Variants in CCAR2 observed in about 807,000 individuals in gnomAD.
CCAR2 encodes the protein cell cycle and apoptosis regulator 2.
A neutral mutation model predicts 108.1 loss-of-function variants in CCAR2; 21 were observed. The ratio of observed to expected loss-of-function variants is 0.19; its 90% CI spans 0.14 to 0.28. The LOEUF is 0.28. Among genes scored for constraint, CCAR2 ranks in the 10% least tolerant of loss-of-function variants. CCAR2 has a pLI of 1.00. For missense variants in CCAR2, 1,126 were observed against 1,177.0 expected (o/e 0.96, Z 0.63); for synonymous variants, 577 against 472.8 (o/e 1.22, Z -2.86).
At chr8:22,614,799 TGTA>T (rs770908240) in intron 10 of CCAR2, 36 bp from the exon 11 acceptor site, 1 of 1,471,758 alleles carries the variant, frequency 6.8e-7, no homozygotes, top group South Asian at 1.2e-5. Flanking sequence ...ACCCAGGTAA[TGTA>T]GTTTTTTGTT....
chr8:22,610,437 G>C (rs1285640901), intron 7 of CCAR2, among the ~76,000 whole-genome samples: 1 of 152,202 alleles, frequency 6.6e-6, no homozygotes, highest in Non-Finnish European at 1.5e-5. Context: ...TCAGCCCCTG[G>C]TGCTGCCTTA....
At position 22,615,562 on chromosome 8, in the gene CCAR2, C is replaced by T; in HGVS notation, c.1343C>T (p.Ala448Val). ...EWEALCQQKA[A>V]EAAPPTQEAQ... is the part of the protein sequence containing the mutation. ...GAGGCCCTGTGCCAGCAGAAAGCTG[C>T]AGAGGCAGCTCCCCCAACCCAGGAG... The change falls in exon 12 of 21, where the codon GCA becomes GTA. Residue 448 changes from alanine to valine, a missense_variant. Ala to Val is a moderately conservative substitution (Grantham distance 64). This residue lies in a region of CCAR2 where 1,013 missense variants were observed against 993.9 expected (regional missense o/e 1.02). Coordinates refer to ENST00000308511, the MANE Select transcript of CCAR2 (RefSeq NM_001393997.1). 1.2e-6 allele frequency: 2 copies of T among 1,613,966 alleles called. No homozygotes were observed. Among genetic ancestry groups the T allele is most frequent in the Non-Finnish European group, 1.7e-6 (2 of 1,180,036 alleles).
chr8:22,619,457 C>G (rs376977294), intron 20 of CCAR2, 102 bp downstream of exon 20: 33 of 1,441,368 alleles, frequency 2.3e-5, no homozygotes, highest in African/African-American at 2.0e-4. Context: ...AGAGGGCCAG[C>G]AGGCACCGGC....
chr8:22,606,747 C>T, intron 4 of CCAR2, 49 bp downstream of exon 4: 1 of 1,520,452 alleles, frequency 6.6e-7, no homozygotes, highest in Non-Finnish European at 9.1e-7. Flanking sequence ...GGATTCAGTT[C>T]TGTCACCATG....
Position 22,617,474 on chromosome 8 carries a change from A to G in CCAR2, c.1900A>G (p.Lys634Glu), listed in dbSNP as rs750792397. 1 of 1,602,404 alleles carries G rather than the reference A, an allele frequency of 6.2e-7. No individual in the cohort carries two copies. The highest frequency in any genetic ancestry group is 1.7e-4 in the Middle Eastern group (1 of 6,010). ...PLSSGGEEEE[K>E]PRGEASEDLC... ...CTCTTCTGGGGGAGAGGAAGAAGAA[A>G]AACCCCGGGGCGAGGCTTCTGAGGA... The change falls in exon 15 of 21, where the codon AAA becomes GAA. Residue 634 changes from lysine (K) to glutamate (E), a missense_variant. Around this residue, in one of 4 missense-constraint regions of CCAR2, gnomAD observed 1,013 missense variants for 993.9 expected, o/e 1.02. Coordinates refer to ENST00000308511, the MANE Select transcript of CCAR2 (RefSeq NM_001393997.1).
At chr8:22,619,564 A>AGGCAGTC (rs1801674072) in intron 20 of CCAR2, 74 bp from the exon 21 acceptor site, 1 of 1,480,826 alleles carries the variant, frequency 6.8e-7, no homozygotes, top group Admixed American at 2.0e-5. Context: ...TCCCAGCAGG[A>AGGCAGTC]GGCAGTCCGC....
intron 1 of CCAR2, 134 bp from the exon 2 acceptor site, chr8:22,605,602 T>A (rs918457163): frequency 1.6e-6 from 1 of 621,538 alleles, no homozygotes; most frequent in Non-Finnish European, 2.9e-6. Context: ...ATTCTCTCCA[T>A]CCATTGCTTT....
chr8:22,615,031 C>A, intron 11 of CCAR2, 30 bp downstream of exon 11: 1 of 1,520,354 alleles, frequency 6.6e-7, no homozygotes, highest in South Asian at 1.2e-5. Context: ...CTCAGCTGCA[C>A]CAACGCACCA....
intron 19 of CCAR2, 26 bp from the exon 20 acceptor site, chr8:22,619,124 T>C: frequency 6.2e-7 from 1 of 1,602,992 alleles, no homozygotes. Context: ...GGAGCAGCCG[T>C]CCCCGTTTCC....
chr8:22,608,681 C>T (rs560162425), intron 7 of CCAR2, among the ~76,000 whole-genome samples: 53 of 152,338 alleles, frequency 3.5e-4, no homozygotes, highest in African/African-American at 1.3e-3. Flanking sequence ...CGTCTTCTCT[C>T]CAGTTCACAT....
rs1179234132 is a variant in CCAR2 at position 22,620,176 on chromosome 8, C to T, written c.*494C>T. The T allele has an allele frequency of 1.3e-5, 2 of 159,600 alleles. No homozygotes were observed. The highest frequency in any genetic ancestry group is 2.4e-5 in the African/African-American group (1 of 41,696). The allele number at this position is 159,600 out of a possible 1,614,324, so 9.9% of individuals were successfully genotyped here. On this transcript the variant is annotated 3_prime_UTR_variant, in exon 21 of 21. Transcript: ENST00000308511. ...CACAGGCTTCTGGGGGAAGGGTCTC[C>T]CTTGGCCATCACGGGAATGGAGTCC...
intron 11 of CCAR2, 67 bp from the exon 12 acceptor site, chr8:22,615,358 C>G (rs1323938564): frequency 1.3e-6 from 2 of 1,548,028 alleles, no homozygotes; most frequent in African/African-American, 1.4e-5. Flanking sequence ...GAAGCCCTTG[C>G]CTGTGAACGT....
In CCAR2 at chr8:22,618,380, C is replaced by T. The variant is rs1801607763; in HGVS notation, c.2105C>T (p.Pro702Leu). The T allele has an allele frequency of 1.2e-6, 2 of 1,614,108 alleles. No individual in the cohort carries two copies. The highest frequency in any genetic ancestry group is 2.7e-5 in the African/African-American group (2 of 74,946). ...PKELDPSAVLPLDCLLAFVFF... is the reference protein window; with the variant it reads ...PKELDPSAVLLLDCLLAFVFF... ...GAGCTGGATCCCTCTGCTGTGCTCC[C>T]CTTAGACTGTCTGCTTGCTTTTGTG... The change falls in exon 17 of 21, where the codon CCC becomes CTC. Residue 702 changes from proline to leucine, a missense_variant. Coordinates refer to ENST00000308511, the MANE Select transcript of CCAR2 (RefSeq NM_001393997.1).
intron 7 of CCAR2, among the ~76,000 whole-genome samples, chr8:22,608,656 A>G (rs1309224607): frequency 6.6e-6 from 1 of 152,202 alleles, no homozygotes; most frequent in African/African-American, 2.4e-5. Flanking sequence ...GGGGACCACT[A>G]GGAGCATGCT....
intron 7 of CCAR2, chr8:22,612,755 A>T (rs896068765): frequency 7.0e-6 from 2 of 285,922 alleles, no homozygotes; most frequent in African/African-American, 2.2e-5. Context: ...TCAGTCTTCT[A>T]AAGTTGTTTT....
Position 22,613,981 on chromosome 8 carries a change from A to G in CCAR2, c.705-111A>G, listed in dbSNP as rs1801395100. On this transcript the variant is annotated intron_variant, in intron 8 of 20. Coordinates refer to ENST00000308511, the MANE Select transcript of CCAR2 (RefSeq NM_001393997.1). ...GCTTCCTTGAGAGGTGCCTTACTTC[A>G]AAAGTTCTCAGACTGAAAAAAAATT... 4.2e-6 allele frequency: 4 copies of G among 943,454 alleles called. No homozygotes were observed. In the East Asian group the frequency reaches 1.0e-4, roughly 25 times the overall value. The allele number at this position is 943,454 out of a possible 1,614,324, so 58.4% of individuals were successfully genotyped here.
intron 7 of CCAR2, among the ~76,000 whole-genome samples, chr8:22,609,236 G>C (rs928333010): frequency 2.6e-4 from 39 of 152,126 alleles, no homozygotes; most frequent in African/African-American, 9.4e-4. Flanking sequence ...AACGTTTTTT[G>C]TAAGGCTGGG....
intron 7 of CCAR2, among the ~76,000 whole-genome samples, chr8:22,611,797 C>A (rs552741542): frequency 6.6e-6 from 1 of 152,234 alleles, no homozygotes; most frequent in East Asian, 1.9e-4. Flanking sequence ...GTTTATGCTG[C>A]TTCATATTTT....
rs1801053791 is a variant in CCAR2, at chr8:22,605,816, G to A, written c.43G>A (p.Gly15Arg). The A allele has an allele frequency of 6.2e-7, 1 of 1,613,824 alleles. No individual in the cohort carries two copies. Among genetic ancestry groups the A allele is most frequent in the African/African-American group, 1.3e-5 (1 of 74,920 alleles). ...KRQRINPLPG[G>R]RNFSGTASTS... ...CCAGCGGATCAACCCGCTTCCAGGG[G>A]GACGCAACTTCTCAGGTGATCACTG... The change falls in exon 2 of 21, where the codon GGA (glycine) becomes AGA (arginine). Residue 15 changes from glycine to arginine, a missense_variant. By Grantham distance (125) the Gly-to-Arg change is moderately radical (BLOSUM62 -2). Around this residue, in one of 4 missense-constraint regions of CCAR2, gnomAD observed 52 missense variants for 63.7 expected, o/e 0.82. Transcript: ENST00000308511.
Sources: gnomAD v4.1 joint callset for allele counts (sites outside exome capture counted in the v4.1 genomes callset) on GRCh38, gnomAD v4.1.1 for gene constraint, gnomAD v4.1.1 regional missense constraint, MANE v1.5 for transcripts, NCBI Gene and HGNC (gene_info 2026-07-23, HGNC 2026-07-21) for gene names.